FHIT: variants seen among roughly 807,000 people sequenced by gnomAD.
FHIT encodes the protein fragile histidine triad diadenosine triphosphatase.
Under a neutral mutation model 17.9 loss-of-function variants are expected in FHIT, and 19 were observed. The ratio of observed to expected loss-of-function variants is 1.06; its 90% CI spans 0.74 to 1.56. FHIT has a LOEUF of 1.56. FHIT is among the 40% of genes most tolerant of loss of function. FHIT has a pLI of 0.00. For missense variants in FHIT, 248 were observed against 189.2 expected, an observed-to-expected ratio of 1.31 and a Z score of -1.82; for synonymous variants, 81 against 69.7, an observed-to-expected ratio of 1.16 and a Z score of -0.81.
chr3:60,463,679 C>G (rs905565617), intron 5 of FHIT, among the ~76,000 whole-genome samples: 1 of 152,140 alleles, frequency 6.6e-6, no homozygotes, highest in Non-Finnish European at 1.5e-5. Flanking sequence ...TTATAGCATG[C>G]CCAGAGAAGT....
chr3:60,619,053 G>C (rs1033678251), intron 4 of FHIT, among the ~76,000 whole-genome samples: 3 of 149,156 alleles, frequency 2.0e-5, no homozygotes, highest in Admixed American at 2.0e-4. Context: ...TGTGTTGTTT[G>C]AAGCCACTGA....
chr3:59,872,982 A>C (rs1017940514), intron 8 of FHIT, among the ~76,000 whole-genome samples: 7 of 152,236 alleles, frequency 4.6e-5, no homozygotes, highest in Non-Finnish European at 5.9e-5. Flanking sequence ...AAAATCTAGA[A>C]GCAGCCCTGC....
intron 5 of FHIT, among the ~76,000 whole-genome samples, chr3:60,507,981 C>T (rs998637386): frequency 1.3e-5 from 2 of 152,136 alleles, no homozygotes; most frequent in African/African-American, 4.8e-5. Flanking sequence ...CTTCGGTGAA[C>T]ATATGCATGC....
At chr3:60,748,217 T>C (rs1173296451) in intron 4 of FHIT, among the ~76,000 whole-genome samples, 2 of 152,170 alleles carry the variant, frequency 1.3e-5, no homozygotes, top group Admixed American at 6.5e-5. Context: ...GGCAAGGTAA[T>C]TCTGTTGGGG....
intron 4 of FHIT, among the ~76,000 whole-genome samples, chr3:60,654,175 C>T (rs1043201845): frequency 5.3e-5 from 8 of 152,166 alleles, no homozygotes; most frequent in Non-Finnish European, 1.0e-4. Context: ...GAGCCAGCAC[C>T]GTGCTTCCTG....
chr3:59,783,277 T>C (rs964618995), intron 8 of FHIT, among the ~76,000 whole-genome samples: 1 of 152,184 alleles, frequency 6.6e-6, no homozygotes, highest in Non-Finnish European at 1.5e-5. Context: ...GAGACCATCC[T>C]GGCCAACATG....
At position 60,448,116 on chromosome 3, in the gene FHIT, C is replaced by G. The variant is rs1371864037; in HGVS notation, c.103+88744G>C. Among the ~76,000 whole-genome samples the G allele has an allele frequency of 2.6e-5, 4 of 152,208 alleles. 1 individual carries two copies. Among genetic ancestry groups the G allele is most frequent in the Admixed American group, 6.5e-5 (1 of 15,268 alleles). On this transcript the variant is annotated intron_variant, in intron 5 of 9. Transcript: ENST00000492590. ...GGGACTGTCCATGGTGGATACTGAC[C>G]TCAATTGCTCTCGGATTATAACGGA...
chr3:60,894,111 T>C (rs1553761368), intron 3 of FHIT, among the ~76,000 whole-genome samples: 1 of 152,166 alleles, frequency 6.6e-6, no homozygotes, highest in African/African-American at 2.4e-5. Context: ...ATTGTGGGGA[T>C]GGGGGTTGCT....
chr3:59,857,082 G>T (rs1274113361), intron 8 of FHIT, among the ~76,000 whole-genome samples: 2 of 152,172 alleles, frequency 1.3e-5, no homozygotes, highest in Non-Finnish European at 2.9e-5. Context: ...GATATTACCA[G>T]CTGCTATCGG....
At chr3:60,813,645 T>C (rs1037409524) in intron 4 of FHIT, among the ~76,000 whole-genome samples, 1 of 152,202 alleles carries the variant, frequency 6.6e-6, no homozygotes, top group African/African-American at 2.4e-5. Context: ...GTTGTTTTTA[T>C]TCCATGATTT....
At chr3:60,895,657 C>A (rs1458129770) in intron 3 of FHIT, among the ~76,000 whole-genome samples, 1 of 137,206 alleles carries the variant, frequency 7.3e-6, no homozygotes, top group Non-Finnish European at 1.5e-5. Flanking sequence ...TTCCCTCCTT[C>A]CTTCCTTCCT....
intron 3 of FHIT, among the ~76,000 whole-genome samples, chr3:60,945,599 G>A (rs1708603456): frequency 6.6e-6 from 1 of 152,080 alleles, no homozygotes; most frequent in Non-Finnish European, 1.5e-5. Context: ...TTGCCATGTT[G>A]GCCAAGCTGG....
chr3:61,194,028 T>C lies in FHIT; in HGVS notation c.-164+6589A>G, dbSNP rs77235882. Among the ~76,000 whole-genome samples the C allele has an allele frequency of 1.2e-3, 128 of 110,626 alleles. 1 individual carries two copies. The East Asian group carries it at 0.03, about 26-fold the overall frequency. The allele number at this position is 110,626 out of a possible 152,430, so 72.6% of individuals were successfully genotyped here. ...CAAAAGGGGTGTGTTCTACTGGAAA[T>C]AGAAAATAGATTGGCGGTGGTGGGG... On this transcript the variant is annotated intron_variant, in intron 2 of 9. Coordinates refer to ENST00000492590, the MANE Select transcript of FHIT (RefSeq NM_002012.4).
intron 3 of FHIT, among the ~76,000 whole-genome samples, chr3:60,958,316 A>G (rs1553779570): frequency 6.6e-6 from 1 of 152,230 alleles, no homozygotes; most frequent in African/African-American, 2.4e-5. Context: ...AACTTATGAG[A>G]AATCTGGAGA....
At chr3:60,925,831 C>A (rs1473295392) in intron 3 of FHIT, among the ~76,000 whole-genome samples, 10 of 152,154 alleles carry the variant, frequency 6.6e-5, no homozygotes, top group Non-Finnish European at 8.8e-5. Context: ...TGCAGAGACA[C>A]ACATAGGCTC....
chr3:61,218,833 T>C (rs1397768695), intron 1 of FHIT, among the ~76,000 whole-genome samples: 3 of 152,198 alleles, frequency 2.0e-5, no homozygotes, highest in African/African-American at 7.2e-5. Flanking sequence ...GTATGGCCTT[T>C]ATTGTTCAAA....
At chr3:60,649,173 G>A (rs1248943965) in intron 4 of FHIT, among the ~76,000 whole-genome samples, 3 of 152,158 alleles carry the variant, frequency 2.0e-5, no homozygotes, top group Non-Finnish European at 4.4e-5. Flanking sequence ...CGAGACGGGT[G>A]GATCACCAGG....
In FHIT at chr3:60,027,129, ACACACACACACAC is replaced by A. The variant is rs1221058351; in HGVS notation, c.104-12990_104-12978del. On this transcript the variant is annotated intron_variant, in intron 5 of 9. Coordinates refer to ENST00000492590, the MANE Select transcript of FHIT (RefSeq NM_002012.4). ...CACAGACACACACACACACACACAC[ACACACACACACAC>A]ACACACAAAATTAGTAAACCCAATA... is the stretch of plus-strand genomic sequence containing the variant. Among the ~76,000 whole-genome samples, 241 of 131,364 alleles carry A rather than the reference ACACACACACACAC, an allele frequency of 1.8e-3. 2 individuals carry two copies. Among genetic ancestry groups the A allele is most frequent in the African/African-American group, 6.3e-3 (204 of 32,280 alleles). The allele number at this position is 131,364 out of a possible 152,430, so 86.2% of individuals were successfully genotyped here.
chr3:60,402,084 C>T (rs1427450098), intron 5 of FHIT, among the ~76,000 whole-genome samples: 1 of 152,126 alleles, frequency 6.6e-6, no homozygotes, highest in Non-Finnish European at 1.5e-5. Context: ...TTTCCCCCAT[C>T]CCTGCCAGCT....
Sources: gnomAD v4.1 joint callset for allele counts (sites outside exome capture counted in the v4.1 genomes callset) on GRCh38, gnomAD v4.1.1 for gene constraint, MANE v1.5 for transcripts, NCBI Gene and HGNC (gene_info 2026-07-23, HGNC 2026-07-21) for gene names.